PDE1B: variants seen among roughly 807,000 people sequenced by gnomAD.
PDE1B encodes dual specificity calcium/calmodulin-dependent 3',5'-cyclic nucleotide phosphodiesterase 1B.
In PDE1B, 13 loss-of-function variants were observed where a neutral mutation model predicts 66.7. That is an observed-to-expected ratio of 0.19 (90% CI 0.13 to 0.31). PDE1B has a LOEUF of 0.31. Among genes scored for constraint, PDE1B ranks in the 10% least tolerant of loss-of-function variants. The pLI, the probability that PDE1B is intolerant of heterozygous loss-of-function variation, is 1.00. For missense variants in PDE1B, 485 were observed against 682.3 expected (o/e 0.71, Z 3.22); for synonymous variants, 230 against 253.9 (o/e 0.91, Z 0.90).
chr12:54,549,822 G>T (rs749483763), intron 1 of PDE1B, 38 bp from the exon 2 acceptor site: 10 of 1,433,514 alleles, frequency 7.0e-6, no homozygotes, highest in Middle Eastern at 1.8e-4. Flanking sequence ...TGGGGCTGAA[G>T]CTGAGCCGAG....
intron 2 of PDE1B, among the ~76,000 whole-genome samples, chr12:54,562,899 A>G (rs908725357): frequency 6.6e-6 from 1 of 152,174 alleles, no homozygotes; most frequent in African/African-American, 2.4e-5. Flanking sequence ...ATTTCAACAG[A>G]AGCTATACAA....
At position 54,575,415 on chromosome 12, in the gene PDE1B, A is replaced by G. The variant is rs1249470131; in HGVS notation, c.1186-136A>G. On this transcript the variant is annotated intron_variant, in intron 11 of 15. Coordinates refer to ENST00000243052, the MANE Select transcript of PDE1B (RefSeq NM_000924.4). The surrounding 1 kb of genome is among the most constrained non-coding windows in gnomAD (Gnocchi z 4.0). ...TTTCATTTGCATATATTTCATTTGC[A>G]TATTACTAATTTCCAGGTCAACAGT... The G allele has an allele frequency of 2.6e-6, 2 of 772,114 alleles. No homozygotes were observed. The highest frequency in any genetic ancestry group is 2.3e-4 in the Middle Eastern group (1 of 4,268). The allele number at this position is 772,114 out of a possible 1,614,324, so 47.8% of individuals were successfully genotyped here. A position where few individuals can be genotyped will look rare whatever the true frequency, so the allele number is the denominator to read the frequency against.
At position 54,573,384 on chromosome 12, in the gene PDE1B, G is replaced by C; in HGVS notation, c.866G>C (p.Arg289Pro). The change falls in exon 9 of 16, where the codon CGT becomes CCT. Residue 289 changes from arginine to proline, a missense_variant. Physicochemically the swap from Arg to Pro is moderately radical, Grantham distance 103 (BLOSUM62 -2). Around this residue, in one of 4 missense-constraint regions of PDE1B, gnomAD observed 282 missense variants for 453.4 expected, o/e 0.62. Transcript: ENST00000243052. The surrounding 1 kb of genome is among the most constrained non-coding windows in gnomAD (Gnocchi z 5.2). The part of the protein sequence containing the change: ...KSECAIVYND[R>P]SVLENHHISS... ...GAATGTGCCATCGTGTACAATGATC[G>C]TTCAGTGCTGGAGAATCACCACATC... 1.2e-6 allele frequency: 2 copies of C among 1,614,068 alleles called. No individual in the cohort carries two copies. Among genetic ancestry groups the C allele is most frequent in the Non-Finnish European group, 1.7e-6 (2 of 1,179,956 alleles).
chr12:54,561,730 C>G, intron 2 of PDE1B: 1 of 845,848 alleles, frequency 1.2e-6, no homozygotes, highest in South Asian at 1.6e-5. Flanking sequence ...GTGGAGAGAT[C>G]AAGACCTGGC....
rs764948506 is a variant in PDE1B at position 54,569,997 on chromosome 12, G to C, written c.478-244G>C. On this transcript the variant is annotated intron_variant, in intron 5 of 15. Coordinates refer to ENST00000243052, the MANE Select transcript of PDE1B (RefSeq NM_000924.4). This position sits in a 1 kb window ranked among gnomAD's most constrained non-coding sequence, Gnocchi z 4.4. ...TTACAGACGTGAGCCACTGCGCCCGGCCTGCCTTCCCTTTTAACTGTTGTT... is the reference window on the plus strand; with the variant it reads ...TTACAGACGTGAGCCACTGCGCCCGCCCTGCCTTCCCTTTTAACTGTTGTT... 1.9e-4 allele frequency among the ~76,000 whole-genome samples: 29 copies of C among 152,144 alleles called. No individual in the cohort carries two copies. The highest frequency in any genetic ancestry group is 3.4e-4 in the Non-Finnish European group (23 of 68,028).
chr12:54,558,098 C>A (rs1271307591), intron 2 of PDE1B, among the ~76,000 whole-genome samples: 4 of 152,142 alleles, frequency 2.6e-5, no homozygotes, highest in African/African-American at 9.7e-5. Flanking sequence ...TTGCTAGGAA[C>A]ACCTGTTAGA....
chr12:54,558,645 C>G (rs1259708855), intron 2 of PDE1B, among the ~76,000 whole-genome samples: 1 of 152,146 alleles, frequency 6.6e-6, no homozygotes, highest in Non-Finnish European at 1.5e-5. Context: ...CCTCCACTGC[C>G]TCCCCAGGGC....
At chr12:54,552,475 C>G (rs889725107) in intron 2 of PDE1B, among the ~76,000 whole-genome samples, 4 of 152,158 alleles carry the variant, frequency 2.6e-5, no homozygotes, top group African/African-American at 9.7e-5. Flanking sequence ...CCTATTCCCC[C>G]CCTTCTACCC....
At position 54,569,550 on chromosome 12, in the gene PDE1B, T is replaced by C. The variant is rs1565700728; in HGVS notation, c.415T>C (p.Phe139Leu). 2 of 1,612,924 alleles carry C rather than the reference T, an allele frequency of 1.2e-6. No individual in the cohort carries two copies. The highest frequency in any genetic ancestry group is 1.7e-5 in the Admixed American group (1 of 60,000). ...CTTCTCATTGTTCTCTCTCAGGATGTTCCGGAGAACATACACCTCTGTGGG... is the reference window on the plus strand; with the variant it reads ...CTTCTCATTGTTCTCTCTCAGGATGCTCCGGAGAACATACACCTCTGTGGG... The part of the protein sequence containing the change: ...VQAGIFVERM[F>L]RRTYTSVGPT... Residue 139 changes from phenylalanine (F) to leucine (L), a missense_variant, in exon 5 of 16, where the codon TTC becomes CTC. By Grantham distance (22) the Phe-to-Leu change is conservative. Coordinates refer to ENST00000243052, the MANE Select transcript of PDE1B (RefSeq NM_000924.4). The surrounding 1 kb of genome is among the most constrained non-coding windows in gnomAD (Gnocchi z 4.4).
At position 54,549,626 on chromosome 12, in the gene PDE1B, GGCA is replaced by G. The variant is rs1299660802; in HGVS notation, c.-151_-149del. 2 of 472,550 alleles carry G rather than the reference GGCA, an allele frequency of 4.2e-6. No individual in the cohort carries two copies. The highest frequency in any genetic ancestry group is 2.1e-5 in the African/African-American group (1 of 48,610). The allele number at this position is 472,550 out of a possible 1,614,324, so 29.3% of individuals were successfully genotyped here. On this transcript the variant is annotated 5_prime_UTR_variant, in exon 1 of 16. Transcript: ENST00000243052. ...AGCGCGCGGCGGCGGCGGCGGTAGC[GGCA>G]GCAGCAGCGGCGGTGCGGAGAGCTT...
At chr12:54,560,922 G>C (rs937248983) in intron 2 of PDE1B, among the ~76,000 whole-genome samples, 1 of 152,094 alleles carries the variant, frequency 6.6e-6, no homozygotes, top group African/African-American at 2.4e-5. Context: ...CGGGTGGAGG[G>C]CCCTTCCCTC....
chr12:54,566,646 A>G (rs936597490), intron 2 of PDE1B, among the ~76,000 whole-genome samples: 4 of 152,312 alleles, frequency 2.6e-5, no homozygotes, highest in African/African-American at 9.6e-5. Context: ...AGGGGCTTGT[A>G]CCTGCCTAAT....
intron 2 of PDE1B, among the ~76,000 whole-genome samples, chr12:54,558,080 C>A (rs894375619): frequency 6.6e-6 from 1 of 152,130 alleles, no homozygotes; most frequent in African/African-American, 2.4e-5. Flanking sequence ...CTGAGTTGTG[C>A]TGGGCTGTTG....
chr12:54,572,563 A>C (rs377264675), intron 6 of PDE1B, 38 bp from the exon 7 acceptor site: 5 of 1,599,588 alleles, frequency 3.1e-6, no homozygotes, highest in East Asian at 2.2e-5. Context: ...ATTCCTGTGG[A>C]TCCTTGATAT....
chr12:54,577,763 A>G, intron 15 of PDE1B, 97 bp from the exon 16 acceptor site: 1 of 463,162 alleles, frequency 2.2e-6, no homozygotes, highest in Non-Finnish European at 3.8e-6. Flanking sequence ...GCACAGCTCT[A>G]CTCGGGACTG....
At chr12:54,552,344 C>T (rs1957289897) in intron 2 of PDE1B, among the ~76,000 whole-genome samples, 1 of 152,130 alleles carries the variant, frequency 6.6e-6, no homozygotes, top group Non-Finnish European at 1.5e-5. Flanking sequence ...GTTGCTAAGT[C>T]TGGAAATAGG....
chr12:54,557,029 T>C (rs1461816702), intron 2 of PDE1B, among the ~76,000 whole-genome samples: 3 of 152,110 alleles, frequency 2.0e-5, no homozygotes, highest in Non-Finnish European at 4.4e-5. Context: ...TGGCACCATG[T>C]CCCTAGTTCT....
chr12:54,574,893 T>G (rs767805378), intron 10 of PDE1B: 5 of 410,402 alleles, frequency 1.2e-5, no homozygotes, highest in Non-Finnish European at 1.8e-5. Flanking sequence ...GAGAATCACT[T>G]GAACCCAGGT....
At chr12:54,550,143 C>G in intron 2 of PDE1B, 158 bp downstream of exon 2, 2 of 1,439,390 alleles carry the variant, frequency 1.4e-6, no homozygotes, top group Non-Finnish European at 1.8e-6. Flanking sequence ...CGTGGCCAGG[C>G]CACATGTGCA....
Sources: allele counts gnomAD v4.1 joint callset (sites outside exome capture counted in the v4.1 genomes callset), GRCh38; gene constraint gnomAD v4.1.1; regional missense constraint gnomAD v4.1.1; non-coding constraint Gnocchi (gnomAD v3.1); transcripts MANE v1.5; gene names NCBI Gene and HGNC (gene_info 2026-07-23, HGNC 2026-07-21).